COL24A1: variants seen among roughly 807,000 people sequenced by gnomAD.
The protein encoded by COL24A1 is collagen type XXIV alpha 1 chain.
In COL24A1, 224 loss-of-function variants were observed where a neutral mutation model predicts 253.9. The observed-to-expected ratio is 0.88, with a 90% CI of 0.79 to 0.99. The LOEUF is 0.99. COL24A1 is among the 50% of genes least tolerant of loss of function. The pLI is 0.00. For synonymous variants in COL24A1, 685 were observed against 673.7 expected, an observed-to-expected ratio of 1.02 and a Z score of -0.26; for missense variants, 2,131 against 2,068.5, an observed-to-expected ratio of 1.03 and a Z score of -0.59.
At position 85,971,958 on chromosome 1, in the gene COL24A1, A is replaced by C. The variant is rs890440755; in HGVS notation, c.2365-565T>G. 2.0e-5 allele frequency among the ~76,000 whole-genome samples: 3 copies of C among 152,226 alleles called. No homozygotes were observed. In the East Asian group the frequency reaches 5.8e-4, roughly 29 times the overall value. The stretch of plus-strand genomic sequence containing the variant: ...TGTGAATTTGAATAGAAATTTCAAT[A>C]CTAAAAAAGTATTTTGTTAAACAAA... On this transcript the variant is annotated intron_variant, in intron 20 of 59. Coordinates refer to ENST00000370571, the MANE Select transcript of COL24A1 (RefSeq NM_152890.7).
intron 19 of COL24A1, among the ~76,000 whole-genome samples, chr1:85,990,712 G>T (rs1010876276): frequency 6.6e-6 from 1 of 152,158 alleles, no homozygotes; most frequent in East Asian, 1.9e-4. Flanking sequence ...GGATCCCCTC[G>T]GCCAGATATG....
chr1:86,041,170 T>C (rs1300026697), intron 12 of COL24A1, among the ~76,000 whole-genome samples: 8 of 152,178 alleles, frequency 5.3e-5, no homozygotes, highest in African/African-American at 1.4e-4. Context: ...AGGGTGTTAT[T>C]TTGCCCACCA....
chr1:85,920,539 T>C (rs1686348946), intron 24 of COL24A1, among the ~76,000 whole-genome samples: 1 of 152,150 alleles, frequency 6.6e-6, no homozygotes, highest in Non-Finnish European at 1.5e-5. Flanking sequence ...GAATCACTAT[T>C]GGTTTTCAGT....
At chr1:85,783,183 C>G (rs1221817241) in intron 51 of COL24A1, among the ~76,000 whole-genome samples, 3 of 151,958 alleles carry the variant, frequency 2.0e-5, no homozygotes, top group Non-Finnish European at 4.4e-5. Flanking sequence ...TGCATTAATG[C>G]TTATAACGTG....
At chr1:85,925,566 A>G (rs1183513972) in intron 24 of COL24A1, among the ~76,000 whole-genome samples, 1 of 152,228 alleles carries the variant, frequency 6.6e-6, no homozygotes, top group African/African-American at 2.4e-5. Flanking sequence ...AAAACAAGCA[A>G]TGGGGAAAGG....
intron 19 of COL24A1, among the ~76,000 whole-genome samples, chr1:86,004,943 G>A (rs1393434345): frequency 6.6e-6 from 1 of 152,188 alleles, no homozygotes; most frequent in African/African-American, 2.4e-5. Context: ...AGGAATATAT[G>A]TGAAACTCAG....
At chr1:85,786,591 G>C (rs1355215334) in intron 47 of COL24A1, 130 bp from the exon 48 acceptor site, 3 of 556,106 alleles carry the variant, frequency 5.4e-6, no homozygotes, top group African/African-American at 1.9e-5. Context: ...GTTATCCTGG[G>C]CTTCTTTCCC....
At chr1:85,993,998 A>C (rs1020511333) in intron 19 of COL24A1, among the ~76,000 whole-genome samples, 1 of 152,016 alleles carries the variant, frequency 6.6e-6, no homozygotes, top group Non-Finnish European at 1.5e-5. Context: ...TAGCTTTAAG[A>C]TGTCCTGTTG....
chr1:85,874,214 T>G (rs1680877934), intron 35 of COL24A1, among the ~76,000 whole-genome samples: 1 of 152,214 alleles, frequency 6.6e-6, no homozygotes, highest in African/African-American at 2.4e-5. Flanking sequence ...CAATTTACAA[T>G]TATGTCCTTG....
intron 7 of COL24A1, among the ~76,000 whole-genome samples, chr1:86,086,387 C>G (rs1703068419): frequency 6.6e-6 from 1 of 152,110 alleles, no homozygotes; most frequent in Admixed American, 6.5e-5. Flanking sequence ...AACAGCGTGG[C>G]AAGCCCACCC....
intron 31 of COL24A1, 71 bp downstream of exon 31, chr1:85,895,787 G>T: frequency 8.0e-7 from 1 of 1,242,466 alleles, no homozygotes; most frequent in Non-Finnish European, 1.1e-6. Context: ...CCCAAACATT[G>T]TTTGAGCAGC....
intron 58 of COL24A1, among the ~76,000 whole-genome samples, chr1:85,735,804 A>G (rs1226229955): frequency 6.6e-6 from 1 of 152,278 alleles, no homozygotes; most frequent in Middle Eastern, 3.4e-3. Context: ...AATGTAAGTG[A>G]ACAGAAATAG....
rs554347408 is a variant in COL24A1, at chr1:85,781,245, C to A, written c.4313G>T (p.Gly1438Val). The A allele has an allele frequency of 2.5e-6, 4 of 1,607,078 alleles. No homozygotes were observed. In the African/African-American group the frequency reaches 4.0e-5, roughly 16 times the overall value. Reference sequence around the variant, plus strand: ...AGTTCTACCTGTTGGGCCTATTATACCTTCTCTGCCAAGGGGACCAGTGTT... The same window carrying A: ...AGTTCTACCTGTTGGGCCTATTATAACTTCTCTGCCAAGGGGACCAGTGTT... ...RGNTGPLGRE[G>V]IIGPTGRTGP... Residue 1438 changes from glycine (G) to valine (V), a missense_variant, in exon 52 of 60, where the codon GGT (glycine) becomes GTT (valine). By Grantham distance (109) the Gly-to-Val change is moderately radical (BLOSUM62 -3). Coordinates refer to ENST00000370571, the MANE Select transcript of COL24A1 (RefSeq NM_152890.7).
intron 32 of COL24A1, among the ~76,000 whole-genome samples, chr1:85,882,199 CGGGCGCAGTGGCTCACGCTT>C (rs1681926822): frequency 6.6e-6 from 1 of 152,012 alleles, no homozygotes; most frequent in Non-Finnish European, 1.5e-5. Flanking sequence ...TGTTGTTGGC[CGGGCGCAGTGGCTCACGCTT>C]GTAATCCCAG....
chr1:86,121,942 TAGGC>T (rs1282620515), intron 3 of COL24A1, among the ~76,000 whole-genome samples: 1 of 152,086 alleles, frequency 6.6e-6, no homozygotes, highest in Non-Finnish European at 1.5e-5. Context: ...CATGGGTATA[TAGGC>T]AGGAAAAAAT....
chr1:86,023,213 A>G (rs1184658008), intron 14 of COL24A1, among the ~76,000 whole-genome samples: 1 of 152,176 alleles, frequency 6.6e-6, no homozygotes, highest in Non-Finnish European at 1.5e-5. Context: ...CATTTTTCTG[A>G]AACCTTTTCA....
intron 24 of COL24A1, among the ~76,000 whole-genome samples, chr1:85,945,750 T>G (rs559094954): frequency 6.6e-6 from 1 of 151,714 alleles, no homozygotes; most frequent in South Asian, 2.1e-4. Flanking sequence ...TATAGGCAAC[T>G]TAAGTGACTA....
intron 5 of COL24A1, among the ~76,000 whole-genome samples, chr1:86,109,616 C>G (rs147917266): frequency 6.6e-6 from 1 of 152,316 alleles, no homozygotes; most frequent in Non-Finnish European, 1.5e-5. Context: ...TAACCCCAAT[C>G]TATATGATTT....
At chr1:85,835,967 G>A (rs1310902420) in intron 43 of COL24A1, among the ~76,000 whole-genome samples, 1 of 152,162 alleles carries the variant, frequency 6.6e-6, no homozygotes. Flanking sequence ...TAAGACACAT[G>A]TGAGAGGTGT....
Sources: allele counts gnomAD v4.1 joint callset (sites outside exome capture counted in the v4.1 genomes callset), GRCh38; gene constraint gnomAD v4.1.1; transcripts MANE v1.5; gene names NCBI Gene and HGNC (gene_info 2026-07-23, HGNC 2026-07-21).